DAAM1: variants seen among roughly 807,000 people sequenced by gnomAD.
The protein encoded by DAAM1 is disheveled-associated activator of morphogenesis 1.
Under a neutral mutation model 130.0 loss-of-function variants are expected in DAAM1, and 52 were observed. The observed-to-expected ratio is 0.40, with a 90% CI of 0.32 to 0.50. The LOEUF (loss-of-function observed/expected upper bound fraction) is 0.50. DAAM1 is among the 20% of genes least tolerant of loss of function. DAAM1 has a pLI of 0.61. For synonymous variants in DAAM1, 452 were observed against 444.5 expected, an observed-to-expected ratio of 1.02 and a Z score of -0.21; for missense variants, 1,134 against 1,303.8, an observed-to-expected ratio of 0.87 and a Z score of 2.01.
intron 2 of DAAM1, among the ~76,000 whole-genome samples, chr14:59,282,694 A>C (rs1883278817): frequency 6.6e-6 from 1 of 152,168 alleles, no homozygotes; most frequent in Non-Finnish European, 1.5e-5. Context: ...GCCTTGAGCA[A>C]GCTACTTAAT....
chr14:59,345,628 C>G (rs1465887729), intron 16 of DAAM1, among the ~76,000 whole-genome samples: 3 of 152,120 alleles, frequency 2.0e-5, no homozygotes, highest in Non-Finnish European at 2.9e-5. Flanking sequence ...GGTGCCTCAT[C>G]CAGCTTCACC....
intron 3 of DAAM1, among the ~76,000 whole-genome samples, chr14:59,301,417 T>C (rs17096046): frequency 0.071 from 10,769 of 152,006 alleles, 419 homozygotes; most frequent in Non-Finnish European, 0.093. Flanking sequence ...ACAATTTGCT[T>C]AATATTTATT....
intron 2 of DAAM1, among the ~76,000 whole-genome samples, chr14:59,286,750 A>C (rs1314481838): frequency 6.6e-6 from 1 of 152,146 alleles, no homozygotes; most frequent in Admixed American, 6.5e-5. Context: ...TAAGTCATGA[A>C]CAGACCAATA....
intron 1 of DAAM1, among the ~76,000 whole-genome samples, chr14:59,204,549 A>C (rs1888203921): frequency 6.6e-6 from 1 of 152,230 alleles, no homozygotes; most frequent in African/African-American, 2.4e-5. Flanking sequence ...CCATATAATG[A>C]AACATAATCA....
At chr14:59,201,702 C>T (rs1310125478) in intron 1 of DAAM1, among the ~76,000 whole-genome samples, 1 of 150,476 alleles carries the variant, frequency 6.6e-6, no homozygotes, top group Admixed American at 6.7e-5. Flanking sequence ...AAGGCTGAGG[C>T]GAAATCACTT....
At chr14:59,326,215 G>A (rs1885197115) in intron 10 of DAAM1, 138 bp downstream of exon 10, 11 of 804,742 alleles carry the variant, frequency 1.4e-5, no homozygotes, top group Non-Finnish European at 2.2e-5. Context: ...AGCCAAGTAT[G>A]TGTGTCTACA....
At chr14:59,314,556 G>A (rs1884714015) in intron 3 of DAAM1, among the ~76,000 whole-genome samples, 1 of 152,030 alleles carries the variant, frequency 6.6e-6, no homozygotes, top group Non-Finnish European at 1.5e-5. Context: ...GGGGCTTAGG[G>A]GCTGGCTCCA....
At chr14:59,338,493 G>C in intron 15 of DAAM1, 2 of 1,530,730 alleles carry the variant, frequency 1.3e-6, no homozygotes, top group Non-Finnish European at 1.8e-6. Context: ...CGTTATCCAG[G>C]GTTTTGTTTT....
chr14:59,194,871 A>G (rs138506913), intron 1 of DAAM1, among the ~76,000 whole-genome samples: 2 of 152,358 alleles, frequency 1.3e-5, no homozygotes, highest in African/African-American at 4.8e-5. Context: ...TCAATTTCCA[A>G]TGCAGTTGGT....
chr14:59,195,394 C>T (rs980291389), intron 1 of DAAM1, among the ~76,000 whole-genome samples: 6 of 152,082 alleles, frequency 3.9e-5, no homozygotes, highest in Non-Finnish European at 5.9e-5. Flanking sequence ...CCGCCTGCCT[C>T]GGCCTCCCAA....
At chr14:59,213,746 G>C (rs1272577087) in intron 1 of DAAM1, among the ~76,000 whole-genome samples, 3 of 152,172 alleles carry the variant, frequency 2.0e-5, no homozygotes, top group African/African-American at 7.2e-5. Context: ...GGAAGGTGAA[G>C]CTTACTTTTA....
chr14:59,325,846 T>A (rs1885183759), intron 9 of DAAM1, 114 bp from the exon 10 acceptor site: 1 of 1,515,826 alleles, frequency 6.6e-7, no homozygotes, highest in Admixed American at 1.7e-5. Flanking sequence ...AACTCAAAGC[T>A]CTATTTTGTT....
rs377258260 is a variant in DAAM1 at position 59,340,987 on chromosome 14, G to C, written c.2075+807G>C. Among the ~76,000 whole-genome samples the C allele has an allele frequency of 1.5e-4, 23 of 152,302 alleles. 1 individual carries two copies. The highest frequency in any genetic ancestry group is 8.5e-4 in the Admixed American group (13 of 15,300). On this transcript the variant is annotated intron_variant, in intron 16 of 24. Transcript: ENST00000360909. ...GAATGTTGTATATGCATTGAGGCTG[G>C]TATAAGGTGACTTCTTTTTCAGGGA...
At chr14:59,339,056 T>A (rs1018013501) in intron 15 of DAAM1, among the ~76,000 whole-genome samples, 32 of 152,352 alleles carry the variant, frequency 2.1e-4, no homozygotes, top group African/African-American at 7.2e-4. Context: ...ATGTTCTCCA[T>A]AAATTCACGA....
intron 24 of DAAM1, among the ~76,000 whole-genome samples, chr14:59,368,219 A>G (rs959333680): frequency 6.6e-6 from 1 of 152,094 alleles, no homozygotes; most frequent in African/African-American, 2.4e-5. Flanking sequence ...AACAGTAACT[A>G]TTGTGTATCA....
intron 1 of DAAM1, among the ~76,000 whole-genome samples, chr14:59,196,626 C>T (rs1043553995): frequency 1.3e-5 from 2 of 151,992 alleles, no homozygotes; most frequent in Non-Finnish European, 2.9e-5. Context: ...GCCTGTAGTC[C>T]CAGCTACTCC....
intron 2 of DAAM1, among the ~76,000 whole-genome samples, chr14:59,278,025 G>A (rs1259560075): frequency 6.6e-6 from 1 of 151,960 alleles, no homozygotes. Context: ...TATAAATTAG[G>A]CATAGTAAGG....
chr14:59,360,869 AT>A lies in DAAM1; in HGVS notation c.2694+14del. ...CTTGAAAGCAGTAGAGACAGTGAGT[AT>A]TTTTTTGTTGTTGTTCTAATTCCTG... On this transcript the variant is annotated splice_region_variant and intron_variant, in intron 22 of 24. Transcript: ENST00000360909. 6.2e-7 allele frequency: 1 copy of A among 1,612,672 alleles called. No individual in the cohort carries two copies. The highest frequency in any genetic ancestry group is 8.5e-7 in the Non-Finnish European group (1 of 1,179,652).
At chr14:59,295,145 T>C (rs572231792) in intron 3 of DAAM1, among the ~76,000 whole-genome samples, 1 of 152,192 alleles carries the variant, frequency 6.6e-6, no homozygotes, top group African/African-American at 2.4e-5. Flanking sequence ...CAGGATTTGA[T>C]GATTGTGCCT....
Sources: allele counts gnomAD v4.1 joint callset (sites outside exome capture counted in the v4.1 genomes callset), GRCh38; gene constraint gnomAD v4.1.1; transcripts MANE v1.5; gene names NCBI Gene and HGNC (gene_info 2026-07-23, HGNC 2026-07-21).